FAT1: variants seen among roughly 807,000 people sequenced by gnomAD.
FAT1 encodes the protein FAT atypical cadherin 1, also known as protocadherin Fat 1.
A neutral mutation model predicts 329.8 loss-of-function variants in FAT1; 171 were observed. That is an observed-to-expected ratio of 0.52 (90% confidence interval 0.46 to 0.59). FAT1 has a LOEUF of 0.59. Ranked by LOEUF, FAT1 falls within the 20% of genes least tolerant of loss-of-function variation. The probability of loss-of-function intolerance (pLI) is 0.00; values close to 1 mark genes in which losing one functional copy is unlikely to be tolerated. For synonymous variants in FAT1, 2,233 were observed against 2,228.6 expected, an observed-to-expected ratio of 1.00 and a Z score of -0.06; for missense variants, 5,672 against 5,774.4, an observed-to-expected ratio of 0.98 and a Z score of 0.57.
At chr4:186,604,830 GGGA>G (rs1033856436) in intron 17 of FAT1, among the ~76,000 whole-genome samples, 2 of 136,876 alleles carry the variant, frequency 1.5e-5, no homozygotes, top group African/African-American at 5.6e-5. Context: ...AGGAGGAAGA[GGGA>G]GGAGGGGAAG....
At chr4:186,638,258 T>C (rs1449904431) in intron 4 of FAT1, among the ~76,000 whole-genome samples, 1 of 152,224 alleles carries the variant, frequency 6.6e-6, no homozygotes. Flanking sequence ...AAGTGCTATA[T>C]ATCTGGTATC....
chr4:186,588,490 C>G lies in FAT1; in HGVS notation c.*102G>C. 2 of 1,411,576 alleles carry G rather than the reference C, an allele frequency of 1.4e-6. No individual in the cohort carries two copies. Among genetic ancestry groups the G allele is most frequent in the Non-Finnish European group, 9.4e-7 (1 of 1,060,658 alleles). 87.4% of individuals were successfully genotyped at this position (1,411,576 alleles called of 1,614,324 possible). On this transcript the variant is annotated 3_prime_UTR_variant, in exon 27 of 27. Coordinates refer to ENST00000441802, the MANE Select transcript of FAT1 (RefSeq NM_005245.4). ...ATCCAGCGCAGCCATGCCCATTCGG[C>G]TCACCAAAAAAAGCTTGGAAGCACT...
chr4:186,601,186 G>A (rs971970870), intron 21 of FAT1, 83 bp downstream of exon 21: 1 of 1,249,136 alleles, frequency 8.0e-7, no homozygotes. Flanking sequence ...TTTATTATCT[G>A]TGCAAATTAA....
intron 26 of FAT1, 127 bp from the exon 27 acceptor site, chr4:186,589,347 T>C: frequency 9.4e-7 from 1 of 1,060,372 alleles, no homozygotes; most frequent in Admixed American, 2.5e-5. Flanking sequence ...AGTTCACCAC[T>C]GGAAATTCCT....
chr4:186,641,805 G>A (rs577740893), intron 3 of FAT1, among the ~76,000 whole-genome samples: 9 of 152,156 alleles, frequency 5.9e-5, no homozygotes, highest in African/African-American at 1.7e-4. Context: ...TCAGAGGTTC[G>A]AGACCAGCCT....
intron 1 of FAT1, among the ~76,000 whole-genome samples, chr4:186,716,308 C>T (rs1309137598): frequency 2.0e-5 from 3 of 152,182 alleles, no homozygotes; most frequent in African/African-American, 7.2e-5. Flanking sequence ...CTTCTCCACT[C>T]TCATTTTCTA....
In FAT1 at chr4:186,588,773, G is replaced by C. The variant is rs555931755; in HGVS notation, c.13586C>G (p.Ala4529Gly). 10 of 1,613,912 alleles carry C rather than the reference G, an allele frequency of 6.2e-6. No individual in the cohort carries two copies. In the African/African-American group the frequency reaches 1.3e-4, roughly 22 times the overall value. The change falls in exon 27 of 27, where the codon GCG becomes GGG. Residue 4529 changes from alanine (A) to glycine (G), a missense_variant. Physicochemically the swap from Ala to Gly is moderately conservative, Grantham distance 60 (BLOSUM62 0). Around this residue, in one of 2 missense-constraint regions of FAT1, gnomAD observed 1,706 missense variants for 1,859.1 expected, o/e 0.92. Coordinates refer to ENST00000441802, the MANE Select transcript of FAT1 (RefSeq NM_005245.4). ...YPPGYQRHFE[A>G]PAVESMPMSV... ...CATGGGCATGCTCTCGACAGCGGGC[G>C]CCTCGAAGTGTCTTTGATACCCTGG...
At chr4:186,723,291 G>A (rs1305027279) in intron 1 of FAT1, among the ~76,000 whole-genome samples, 1 of 152,228 alleles carries the variant, frequency 6.6e-6, no homozygotes, top group Non-Finnish European at 1.5e-5. Flanking sequence ...CAGGCCTCCC[G>A]CGTGCACCGC....
At chr4:186,590,940 C>G (rs561581892) in intron 26 of FAT1, among the ~76,000 whole-genome samples, 2 of 152,334 alleles carry the variant, frequency 1.3e-5, no homozygotes, top group East Asian at 3.9e-4. Flanking sequence ...TTTGAATATG[C>G]TTTAATATTG....
rs372737426 is a variant in FAT1, at chr4:186,618,934, A to G, written c.7652T>C (p.Leu2551Ser). The G allele has an allele frequency of 2.1e-5, 34 of 1,613,942 alleles. 1 individual carries two copies. In the African/African-American group the frequency reaches 3.6e-4, roughly 17 times the overall value. Reference sequence around the variant, plus strand: ...CGGGGTTTCTCGATCAAGTTTTTCCAAAGTAAATATCTGTCCTCTCTCATT... The same window carrying G: ...CGGGGTTTCTCGATCAAGTTTTTCCGAAGTAAATATCTGTCCTCTCTCATT... ...YINERGQIFT[L>S]EKLDRETPAE... The change falls in exon 10 of 27, where the codon TTG becomes TCG. Residue 2551 changes from leucine (L) to serine (S), a missense_variant. By Grantham distance (145) the Leu-to-Ser change is moderately radical. This residue lies in a region of FAT1 where 3,966 missense variants were observed against 3,915.2 expected (regional missense o/e 1.01). Coordinates refer to ENST00000441802, the MANE Select transcript of FAT1 (RefSeq NM_005245.4).
rs930214512 is a variant in FAT1, at chr4:186,611,670, T to G, written c.9569A>C (p.Glu3190Ala). ...IIQLEKPLDR[E>A]LQAVYTLSLK... Reference sequence around the variant, plus strand: ...AGAGAGGGTGTATACTGCCTGGAGTTCTCTGTCCAAAGGTTTTTCTAACTG... The same window carrying G: ...AGAGAGGGTGTATACTGCCTGGAGTGCTCTGTCCAAAGGTTTTTCTAACTG... Residue 3190 changes from glutamate to alanine, a missense_variant, in exon 14 of 27, where the codon GAA becomes GCA. Around this residue, in one of 2 missense-constraint regions of FAT1, gnomAD observed 1,706 missense variants for 1,859.1 expected, o/e 0.92. Coordinates refer to ENST00000441802, the MANE Select transcript of FAT1 (RefSeq NM_005245.4). 6.2e-7 allele frequency: 1 copy of G among 1,611,458 alleles called. No homozygotes were observed. Among genetic ancestry groups the G allele is most frequent in the Admixed American group, 1.7e-5 (1 of 59,616 alleles).
At chr4:186,698,152 C>G (rs1304947289) in intron 2 of FAT1, among the ~76,000 whole-genome samples, 1 of 152,176 alleles carries the variant, frequency 6.6e-6, no homozygotes, top group Non-Finnish European at 1.5e-5. Flanking sequence ...CTATCAGCCA[C>G]TGTGCTTAGA....
At chr4:186,652,281 C>T (rs1741704778) in intron 3 of FAT1, among the ~76,000 whole-genome samples, 1 of 149,654 alleles carries the variant, frequency 6.7e-6, no homozygotes, top group Non-Finnish European at 1.5e-5. Flanking sequence ...GGGTACACAA[C>T]CCATTTTATA....
rs543794496 is a variant in FAT1 at position 186,595,614 on chromosome 4, G to A, written c.13138+75C>T. On this transcript the variant is annotated intron_variant, in intron 26 of 26. Coordinates refer to ENST00000441802, the MANE Select transcript of FAT1 (RefSeq NM_005245.4). The stretch of plus-strand genomic sequence containing the variant: ...TGGTGAGGCTTTAAGGGTAGATAGT[G>A]CGTCTACATTGTGAGATAACACAGT... The A allele has an allele frequency of 9.2e-6, 14 of 1,525,466 alleles. No individual in the cohort carries two copies. The African/African-American group carries it at 1.2e-4, about 13-fold the overall frequency. The allele number at this position is 1,525,466 out of a possible 1,614,324, so 94.5% of individuals were successfully genotyped here.
rs748147223 is a variant in FAT1, at chr4:186,628,304, C to T, written c.4660G>A (p.Asp1554Asn). Residue 1554 changes from aspartate (D) to asparagine (N), a missense_variant, in exon 9 of 27, where the codon GAC becomes AAC. Physicochemically the swap from Asp to Asn is conservative, Grantham distance 23. Coordinates refer to ENST00000441802, the MANE Select transcript of FAT1 (RefSeq NM_005245.4). Reference protein sequence around the residue: ...NFARIVVNVSDTNDHAPWFTA... With the variant: ...NFARIVVNVSNTNDHAPWFTA... ...AACCACGGGGCGTGGTCATTCGTGT[C>T]GCTGACATTGACCACAATCCTTGCA... 5.6e-6 allele frequency: 9 copies of T among 1,613,592 alleles called. No homozygotes were observed. The South Asian group carries it at 6.6e-5, about 12-fold the overall frequency.
chr4:186,602,861 G>T, intron 20 of FAT1, 42 bp downstream of exon 20: 1 of 1,569,056 alleles, frequency 6.4e-7, no homozygotes, highest in Non-Finnish European at 8.7e-7. Context: ...CAATGAAACC[G>T]ATTTTTAAAA....
Position 186,636,639 on chromosome 4 carries a change from A to G in FAT1, c.3918T>C (p.Thr1306=), listed in dbSNP as rs766093840. ...EHGKFFIEPK[T]GVVSSKRFSA... ...AAAACCTCTTGGACGAAACCACTCCAGTTTTCGGTTCGATGAAAAATTTGC... is the reference window on the plus strand; with the variant it reads ...AAAACCTCTTGGACGAAACCACTCCGGTTTTCGGTTCGATGAAAAATTTGC... Residue 1306 remains threonine, a synonymous_variant, in exon 5 of 27, where the codon ACT becomes ACC. Coordinates refer to ENST00000441802, the MANE Select transcript of FAT1 (RefSeq NM_005245.4). 32 of 1,613,802 alleles carry G rather than the reference A, an allele frequency of 2.0e-5. No individual in the cohort carries two copies. The highest frequency in any genetic ancestry group is 2.5e-5 in the Non-Finnish European group (30 of 1,179,874).
intron 2 of FAT1, among the ~76,000 whole-genome samples, chr4:186,686,963 T>C (rs1743497921): frequency 6.6e-6 from 1 of 152,232 alleles, no homozygotes; most frequent in Admixed American, 6.5e-5. Flanking sequence ...CTACTTCTGA[T>C]TTTACGAAGT....
At chr4:186,644,493 G>A (rs1291270092) in intron 3 of FAT1, among the ~76,000 whole-genome samples, 1 of 151,596 alleles carries the variant, frequency 6.6e-6, no homozygotes, top group Admixed American at 6.6e-5. Context: ...GGCTGAGACA[G>A]CAGACACAGT....
Sources: allele counts gnomAD v4.1 joint callset (sites outside exome capture counted in the v4.1 genomes callset), GRCh38; gene constraint gnomAD v4.1.1; regional missense constraint gnomAD v4.1.1; transcripts MANE v1.5; gene names NCBI Gene and HGNC (gene_info 2026-07-23, HGNC 2026-07-21).